SOX6: variants seen among roughly 807,000 people sequenced by gnomAD.
SOX6 encodes the protein SRY-box transcription factor 6, also known as transcription factor SOX-6.
In SOX6, 11 loss-of-function variants were observed where a neutral mutation model predicts 97.8. That is an observed-to-expected ratio of 0.11 (90% CI 0.07 to 0.19). SOX6 has a LOEUF of 0.19. SOX6 is among the 10% of genes least tolerant of loss of function. The pLI, the probability that SOX6 is intolerant of heterozygous loss-of-function variation, is 1.00. For synonymous variants in SOX6, 360 were observed against 371.4 expected, an observed-to-expected ratio of 0.97 and a Z score of 0.35; for missense variants, 810 against 1,039.5, an observed-to-expected ratio of 0.78 and a Z score of 3.04.
chr11:16,603,233 T>C (rs1181367465), intron 4 of SOX6, among the ~76,000 whole-genome samples: 1 of 151,986 alleles, frequency 6.6e-6, no homozygotes, highest in East Asian at 1.9e-4. Context: ...CTGCACAGGG[T>C]AACAGAGGGA....
intron 3 of SOX6, among the ~76,000 whole-genome samples, chr11:16,667,712 G>C (rs907373454): frequency 7.2e-5 from 11 of 152,130 alleles, no homozygotes; most frequent in Admixed American, 1.3e-4. Context: ...AGAAAAGGAT[G>C]TTAAATGAAC....
chr11:16,493,676 G>A (rs369058053), intron 4 of SOX6, among the ~76,000 whole-genome samples: 11 of 152,022 alleles, frequency 7.2e-5, no homozygotes, highest in East Asian at 5.8e-4. Flanking sequence ...AGTTTTTCTC[G>A]AATGCCTAAT....
intron 4 of SOX6, among the ~76,000 whole-genome samples, chr11:16,608,023 A>G (rs891078687): frequency 6.6e-6 from 1 of 152,040 alleles, no homozygotes; most frequent in African/African-American, 2.4e-5. Flanking sequence ...TGAAGCAACT[A>G]CTAGGGGAGA....
chr11:16,654,173 T>G (rs34112467), intron 3 of SOX6, among the ~76,000 whole-genome samples: 1 of 152,186 alleles, frequency 6.6e-6, no homozygotes, highest in Non-Finnish European at 1.5e-5. Context: ...TCTCTTTTTT[T>G]ATTTAGAGAC....
intron 4 of SOX6, among the ~76,000 whole-genome samples, chr11:16,581,690 G>A (rs970298917): frequency 4.6e-5 from 7 of 152,132 alleles, no homozygotes; most frequent in Admixed American, 4.6e-4. Flanking sequence ...ATGGCCGGGT[G>A]TGGTGGCTCA....
rs373911368 is a variant in SOX6, at chr11:16,679,360, C to T, written n.429+35470G>A. On this transcript the variant is annotated intron_variant and non_coding_transcript_variant, in intron 3 of 5. Transcript: ENST00000524520. ...TGGACCTCCAGCAAACTCCAACAGA[C>T]CTTCAGCTGATGGGCCTGACTGTTA... Among the ~76,000 whole-genome samples the T allele has an allele frequency of 3.5e-4, 54 of 152,308 alleles. No individual in the cohort carries two copies. In the South Asian group the frequency reaches 0.011, roughly 31 times the overall value.
chr11:16,279,474 G>T (rs907848887), intron 3 of SOX6, among the ~76,000 whole-genome samples: 2 of 151,832 alleles, frequency 1.3e-5, no homozygotes, highest in Admixed American at 6.6e-5. Flanking sequence ...TGAAGAGTTT[G>T]GCTATTGTGA....
At chr11:16,390,359 C>T (rs977275938) in intron 1 of SOX6, among the ~76,000 whole-genome samples, 2 of 152,116 alleles carry the variant, frequency 1.3e-5, no homozygotes, top group Non-Finnish European at 2.9e-5. Flanking sequence ...GCTCATTCTC[C>T]TCTCAAGATT....
intron 6 of SOX6, among the ~76,000 whole-genome samples, chr11:16,146,625 G>T (rs1250257708): frequency 1.3e-5 from 2 of 152,100 alleles, no homozygotes; most frequent in Non-Finnish European, 2.9e-5. Flanking sequence ...CTAATATCCA[G>T]AATCTACAAA....
At chr11:16,317,933 G>C (rs768332449) in intron 3 of SOX6, 3 of 451,292 alleles carry the variant, frequency 6.6e-6, no homozygotes, top group Non-Finnish European at 1.3e-5. Flanking sequence ...TGCAAGAGAT[G>C]TCATGTATCA....
chr11:16,533,646 C>A (rs887038548), intron 4 of SOX6, among the ~76,000 whole-genome samples: 1 of 151,904 alleles, frequency 6.6e-6, no homozygotes, highest in Non-Finnish European at 1.5e-5. Context: ...ATATTGCTAA[C>A]TTTTAATTTT....
chr11:16,267,546 A>G (rs1183327569), intron 3 of SOX6, among the ~76,000 whole-genome samples: 2 of 151,560 alleles, frequency 1.3e-5, no homozygotes, highest in East Asian at 1.9e-4. Context: ...AAAGATAACC[A>G]GTGTTGGCAA....
At chr11:16,218,454 T>G (rs1294922488) in intron 4 of SOX6, among the ~76,000 whole-genome samples, 1 of 152,136 alleles carries the variant, frequency 6.6e-6, no homozygotes. Context: ...AAATCAAATG[T>G]ATTTTAAGTA....
chr11:15,968,148 T>C lies in SOX6; in HGVS notation c.*4661A>G, dbSNP rs993797809. 6.6e-6 allele frequency: 1 copy of C among 152,178 alleles called. No individual in the cohort carries two copies. The highest frequency in any genetic ancestry group is 1.5e-5 in the Non-Finnish European group (1 of 68,032). The allele number at this position is 152,178 out of a possible 1,614,324, so 9.4% of individuals were successfully genotyped here. On this transcript the variant is annotated 3_prime_UTR_variant, in exon 16 of 16. Coordinates refer to ENST00000683767, the MANE Select transcript of SOX6 (RefSeq NM_001367873.1). ...GGAAGAAAACATGTCAGGGAGCAGA[T>C]GACTTAAGGAAATGATGCAAGTGCT...
chr11:16,726,596 T>C (rs2352663), intron 2 of SOX6, among the ~76,000 whole-genome samples: 24,806 of 152,206 alleles, frequency 0.16, 2,672 homozygotes, highest in East Asian at 0.32. Context: ...GGAAAATACA[T>C]GTGATATAAC....
chr11:16,384,044 T>C (rs903066439), intron 1 of SOX6, among the ~76,000 whole-genome samples: 3 of 151,948 alleles, frequency 2.0e-5, no homozygotes, highest in African/African-American at 7.2e-5. Flanking sequence ...TAGTGATAGA[T>C]GAGCCATTGA....
chr11:16,009,977 G>C (rs1854661901), intron 13 of SOX6, among the ~76,000 whole-genome samples: 2 of 151,878 alleles, frequency 1.3e-5, no homozygotes, highest in African/African-American at 4.8e-5. Flanking sequence ...AGAATGAGCA[G>C]GATTTTTAAG....
rs1853250632 is a variant in SOX6 at position 15,969,793 on chromosome 11, T to C, written c.*3016A>G. 1 of 152,242 alleles carries C rather than the reference T, an allele frequency of 6.6e-6. No homozygotes were observed. Among genetic ancestry groups the C allele is most frequent in the African/African-American group, 2.4e-5 (1 of 41,470 alleles). 9.4% of individuals were successfully genotyped at this position (152,242 alleles called of 1,614,324 possible). ...ACTGAAAATAAAATGAATTGATCCC[T>C]ATGATTGTCATTCTTAATTTCCATG... is the stretch of plus-strand genomic sequence containing the variant. On this transcript the variant is annotated 3_prime_UTR_variant, in exon 16 of 16. Coordinates refer to ENST00000683767, the MANE Select transcript of SOX6 (RefSeq NM_001367873.1).
At chr11:16,177,881 C>T (rs917153363) in intron 6 of SOX6, among the ~76,000 whole-genome samples, 20 of 152,014 alleles carry the variant, frequency 1.3e-4, no homozygotes, top group Middle Eastern at 3.4e-3. Flanking sequence ...CACTTTAATT[C>T]CGGAAAGAAG....
Sources: allele counts gnomAD v4.1 joint callset (sites outside exome capture counted in the v4.1 genomes callset), GRCh38; gene constraint gnomAD v4.1.1; transcripts MANE v1.5; gene names NCBI Gene and HGNC (gene_info 2026-07-23, HGNC 2026-07-21).